The following KPNA4 variants were observed in gnomAD, a reference collection of about 807,000 sequenced individuals.
The protein encoded by KPNA4 is karyopherin subunit alpha 4, also known as importin subunit alpha-3.
In KPNA4, 13 loss-of-function variants were observed where a neutral mutation model predicts 71.3. The observed-to-expected ratio is 0.18, with a 90% CI of 0.12 to 0.29. The LOEUF (loss-of-function observed/expected upper bound fraction) is 0.29, where lower values mean the gene tolerates loss of function less well. KPNA4 is among the 10% of genes least tolerant of loss of function. The probability of loss-of-function intolerance (pLI) is 1.00; values close to 1 mark genes in which losing one functional copy is unlikely to be tolerated. For synonymous variants in KPNA4, 189 were observed against 195.2 expected, an observed-to-expected ratio of 0.97 and a Z score of 0.26; for missense variants, 334 against 603.2, an observed-to-expected ratio of 0.55 and a Z score of 4.67.
chr3:160,519,532 C>A (rs972316940), intron 11 of KPNA4, among the ~76,000 whole-genome samples: 2 of 152,012 alleles, frequency 1.3e-5, no homozygotes, highest in East Asian at 3.9e-4. Flanking sequence ...CGGTGGCTCA[C>A]GCCTGTAATC....
chr3:160,561,733 T>C (rs906219911), intron 1 of KPNA4, among the ~76,000 whole-genome samples: 3 of 152,038 alleles, frequency 2.0e-5, no homozygotes, highest in African/African-American at 7.2e-5. Context: ...ATTAAAACCT[T>C]TCCCTATTAC....
Position 160,497,027 on chromosome 3 carries a change from G to GT in KPNA4, c.*5076dup, listed in dbSNP as rs922519104. 11 of 152,168 alleles carry GT rather than the reference G, an allele frequency of 7.2e-5. No individual in the cohort carries two copies. The highest frequency in any genetic ancestry group is 2.1e-4 in the South Asian group (1 of 4,830). 9.4% of individuals were successfully genotyped at this position (152,168 alleles called of 1,614,324 possible). A position where few individuals can be genotyped will look rare whatever the true frequency, so the allele number is the denominator to read the frequency against. ...TTCTTATACATGATTGGTGTGCTTAGTTTTTTATCAATTTGACACTACAGT... is the reference window on the plus strand; with the variant it reads ...TTCTTATACATGATTGGTGTGCTTAGTTTTTTTATCAATTTGACACTACAGT... On this transcript the variant is annotated 3_prime_UTR_variant, in exon 17 of 17. Coordinates refer to ENST00000334256, the MANE Select transcript of KPNA4 (RefSeq NM_002268.5).
intron 5 of KPNA4, among the ~76,000 whole-genome samples, chr3:160,534,691 T>A (rs1257389871): frequency 8.0e-6 from 1 of 124,818 alleles, no homozygotes; most frequent in African/African-American, 3.1e-5. Flanking sequence ...GACTCCAGCC[T>A]GGGCGACAGA....
chr3:160,523,629 C>A (rs2108549449), intron 10 of KPNA4, among the ~76,000 whole-genome samples: 1 of 152,120 alleles, frequency 6.6e-6, no homozygotes, highest in East Asian at 1.9e-4. Context: ...GTGGGTGGAT[C>A]ACGAGGTCAA....
intron 1 of KPNA4, among the ~76,000 whole-genome samples, chr3:160,557,803 T>C (rs941725756): frequency 6.6e-6 from 1 of 151,944 alleles, no homozygotes; most frequent in African/African-American, 2.4e-5. Context: ...GCCTCCTAAA[T>C]AGGTATGACT....
chr3:160,524,530 G>C (rs920044276), intron 10 of KPNA4, among the ~76,000 whole-genome samples: 14 of 151,906 alleles, frequency 9.2e-5, no homozygotes, highest in African/African-American at 3.4e-4. Context: ...TTTTCATAGA[G>C]ACAGGGTTTC....
At chr3:160,517,157 A>G (rs1010744468) in intron 11 of KPNA4, among the ~76,000 whole-genome samples, 1 of 152,042 alleles carries the variant, frequency 6.6e-6, no homozygotes, top group African/African-American at 2.4e-5. Flanking sequence ...CCTGGAAGAC[A>G]CTATGCCTGT....
At chr3:160,543,021 T>A (rs1416878826) in intron 1 of KPNA4, among the ~76,000 whole-genome samples, 2 of 152,068 alleles carry the variant, frequency 1.3e-5, no homozygotes, top group African/African-American at 2.4e-5. Flanking sequence ...AACAGGAAAA[T>A]GTATTAAATT....
intron 13 of KPNA4, among the ~76,000 whole-genome samples, chr3:160,512,757 G>A (rs996302392): frequency 1.5e-4 from 23 of 152,208 alleles, no homozygotes; most frequent in African/African-American, 5.1e-4. Flanking sequence ...GCCTAAACCC[G>A]GGAGGTAGAG....
Position 160,499,713 on chromosome 3 carries a change from T to C in KPNA4, c.*2391A>G, listed in dbSNP as rs1720840028. Reference sequence around the variant, plus strand: ...TATCACTGTTCTATACAATAATTTGTATATAAAATTTGTATACAAGCTCAT... The same window carrying C: ...TATCACTGTTCTATACAATAATTTGCATATAAAATTTGTATACAAGCTCAT... On this transcript the variant is annotated 3_prime_UTR_variant, in exon 17 of 17. Transcript: ENST00000334256. 1 of 152,184 alleles carries C rather than the reference T, an allele frequency of 6.6e-6. No homozygotes were observed. Among genetic ancestry groups the C allele is most frequent in the African/African-American group, 2.4e-5 (1 of 41,466 alleles). The allele number at this position is 152,184 out of a possible 1,614,324, so 9.4% of individuals were successfully genotyped here.
At chr3:160,536,603 TCTC>T (rs1487733023) in intron 2 of KPNA4, among the ~76,000 whole-genome samples, 190 bp downstream of exon 2, 2 of 152,068 alleles carry the variant, frequency 1.3e-5, no homozygotes, top group African/African-American at 2.4e-5. Context: ...AGTCAAAATC[TCTC>T]CTTTTTCTAA....
rs544384718 is a variant in KPNA4 at position 160,534,718 on chromosome 3, G to GAAAA, written c.287+791_287+794dup. ...GGCGACAGAGTGAGACTCCATCTCA[G>GAAAA]AAAAAAAAAAAAAAAAAGAAATGTT... On this transcript the variant is annotated intron_variant, in intron 5 of 16. Transcript: ENST00000334256. Among the ~76,000 whole-genome samples the GAAAA allele has an allele frequency of 3.6e-4, 26 of 73,108 alleles. 1 individual carries two copies. The South Asian group carries it at 6.0e-3, about 17-fold the overall frequency. The allele number at this position is 73,108 out of a possible 152,430, so 48.0% of individuals were successfully genotyped here.
intron 1 of KPNA4, among the ~76,000 whole-genome samples, chr3:160,545,447 A>C (rs76539682): frequency 1.3e-5 from 2 of 152,230 alleles, no homozygotes; most frequent in South Asian, 2.1e-4. Flanking sequence ...AGTGTGAAAG[A>C]CTGTAAATAA....
rs1246550078 is a variant in KPNA4, at chr3:160,496,965, G to T, written c.*5139C>A. 6.6e-6 allele frequency: 1 copy of T among 152,104 alleles called. No individual in the cohort carries two copies. Among genetic ancestry groups the T allele is most frequent in the Non-Finnish European group, 1.5e-5 (1 of 68,010 alleles). The allele number at this position is 152,104 out of a possible 1,614,324, so 9.4% of individuals were successfully genotyped here. A position where few individuals can be genotyped will look rare whatever the true frequency, so the allele number is the denominator to read the frequency against. ...TTTTCAAGATTATTGTTAACTTCTGGGTTAAGTGTTTAGGGAAAAAAATGT... is the reference window on the plus strand; with the variant it reads ...TTTTCAAGATTATTGTTAACTTCTGTGTTAAGTGTTTAGGGAAAAAAATGT... On this transcript the variant is annotated 3_prime_UTR_variant, in exon 17 of 17. Coordinates refer to ENST00000334256, the MANE Select transcript of KPNA4 (RefSeq NM_002268.5).
intron 11 of KPNA4, among the ~76,000 whole-genome samples, chr3:160,516,961 A>T (rs1262889731): frequency 6.6e-6 from 1 of 152,040 alleles, no homozygotes; most frequent in African/African-American, 2.4e-5. Context: ...CAAATTTTTT[A>T]AAAAATTGAA....
At chr3:160,535,764 A>G in intron 3 of KPNA4, 44 bp downstream of exon 3, 4 of 1,561,870 alleles carry the variant, frequency 2.6e-6, no homozygotes, top group Non-Finnish European at 3.4e-6. Flanking sequence ...GAAATCTTTC[A>G]CTCGTACTTT....
At chr3:160,552,519 A>C (rs1722060720) in intron 1 of KPNA4, among the ~76,000 whole-genome samples, 1 of 152,236 alleles carries the variant, frequency 6.6e-6, no homozygotes, top group Non-Finnish European at 1.5e-5. Flanking sequence ...AGTGGTGTAC[A>C]AAATAGGTAA....
intron 7 of KPNA4, among the ~76,000 whole-genome samples, chr3:160,529,926 G>C (rs538857124): frequency 6.7e-6 from 1 of 150,288 alleles, no homozygotes; most frequent in East Asian, 2.0e-4. Context: ...TCAGGAGATC[G>C]AGACCGAGAC....
At chr3:160,525,727 C>T in intron 10 of KPNA4, 73 bp downstream of exon 10, 2 of 921,540 alleles carry the variant, frequency 2.2e-6, no homozygotes, top group Non-Finnish European at 3.1e-6. Context: ...AATATTTCTC[C>T]CCTATGTCAC....
Sources: allele counts gnomAD v4.1 joint callset (sites outside exome capture counted in the v4.1 genomes callset), GRCh38; gene constraint gnomAD v4.1.1; transcripts MANE v1.5; gene names NCBI Gene and HGNC (gene_info 2026-07-23, HGNC 2026-07-21).